Variants in RBFOX2 observed in about 807,000 individuals in gnomAD.
RBFOX2 encodes the protein RNA binding fox-1 homolog 2, also known as RNA binding protein fox-1 homolog 2.
Under a neutral mutation model 49.1 loss-of-function variants are expected in RBFOX2, and 10 were observed. The observed-to-expected ratio is 0.20, with a 90% CI of 0.13 to 0.35. The LOEUF is 0.35. RBFOX2 is among the 10% of genes least tolerant of loss of function. The pLI is 1.00. For missense variants in RBFOX2, 323 were observed against 486.9 expected (o/e 0.66, Z 3.17); for synonymous variants, 183 against 187.4 (o/e 0.98, Z 0.19).
intron 2 of RBFOX2, among the ~76,000 whole-genome samples, chr22:35,791,035 C>CA (rs1237437062): frequency 2.0e-5 from 3 of 150,890 alleles, no homozygotes; most frequent in East Asian, 3.9e-4. Context: ...CACACACACA[C>CA]AAAAAAAGCA....
chr22:35,878,043 CACA>C (rs1302270290), intron 1 of RBFOX2, among the ~76,000 whole-genome samples: 5 of 105,800 alleles, frequency 4.7e-5, no homozygotes, highest in Admixed American at 8.5e-5. Context: ...TACTACTACA[CACA>C]CACACACACA....
upstream of RBFOX2, among the ~76,000 whole-genome samples, chr22:35,844,867 A>G (rs1162502528): frequency 6.6e-6 from 1 of 152,212 alleles, no homozygotes; most frequent in East Asian, 1.9e-4. Context: ...GATGTACAAA[A>G]AGAGTGGGAG....
At chr22:35,832,954 C>G (rs1187303009) in intron 1 of RBFOX2, among the ~76,000 whole-genome samples, 14 of 152,096 alleles carry the variant, frequency 9.2e-5, no homozygotes, top group Non-Finnish European at 2.9e-5. Flanking sequence ...GAAATGTTCT[C>G]TATACAAAGA....
upstream of RBFOX2, among the ~76,000 whole-genome samples, chr22:35,942,402 CATCTCT>C (rs1264272070): frequency 6.6e-6 from 1 of 152,006 alleles, no homozygotes; most frequent in Admixed American, 6.5e-5. Flanking sequence ...TGTAACTTCA[CATCTCT>C]ATCTAGACAA....
chr22:35,768,499 C>A (rs1339532595), intron 4 of RBFOX2, 150 bp from the exon 6 acceptor site: 4 of 607,884 alleles, frequency 6.6e-6, no homozygotes, highest in South Asian at 2.5e-5. Flanking sequence ...TTGGTCCATG[C>A]ATATTTGTAA....
chr22:35,902,986 G>A (rs565468805), intron 1 of RBFOX2, among the ~76,000 whole-genome samples: 54 of 152,092 alleles, frequency 3.6e-4, no homozygotes, highest in African/African-American at 1.2e-3. Flanking sequence ...CATTTTAAAT[G>A]AGAAGCATTC....
At chr22:35,966,665 G>C (rs2056575833), upstream of RBFOX2, among the ~76,000 whole-genome samples, 1 of 151,996 alleles carries the variant, frequency 6.6e-6, no homozygotes, top group African/African-American at 2.4e-5. Flanking sequence ...TTTGCTACTG[G>C]GTTGTTCAAA....
chr22:35,862,121 C>T (rs2043157742), intron 1 of RBFOX2, among the ~76,000 whole-genome samples: 1 of 151,982 alleles, frequency 6.6e-6, no homozygotes, highest in Non-Finnish European at 1.5e-5. Flanking sequence ...TGGAGATGTG[C>T]TGGGGAGGTA....
chr22:35,790,682 C>T (rs1034755034), intron 2 of RBFOX2, among the ~76,000 whole-genome samples: 5 of 152,162 alleles, frequency 3.3e-5, no homozygotes, highest in African/African-American at 1.2e-4. Context: ...CAGAAATCTT[C>T]TGCATATTTT....
At chr22:35,751,824 T>C (rs1035752068) in intron 9 of RBFOX2, among the ~76,000 whole-genome samples, 1 of 152,218 alleles carries the variant, frequency 6.6e-6, no homozygotes, top group Non-Finnish European at 1.5e-5. Flanking sequence ...GTCTTCCACC[T>C]ATTATTTCTA....
chr22:35,823,438 G>A (rs1954964042), intron 1 of RBFOX2, among the ~76,000 whole-genome samples: 2 of 152,076 alleles, frequency 1.3e-5, no homozygotes, highest in Non-Finnish European at 2.9e-5. Flanking sequence ...TAACTCTCTT[G>A]TATATTAGTG....
rs186366290 is a variant in RBFOX2 at position 35,892,649 on chromosome 22, A to G, written c.-34+46198T>C. Among the ~76,000 whole-genome samples, 6 of 152,254 alleles carry G rather than the reference A, an allele frequency of 3.9e-5. No homozygotes were observed. The East Asian group carries it at 1.2e-3, about 29-fold the overall frequency. On this transcript the variant is annotated intron_variant, in intron 1 of 13. Coordinates refer to the RBFOX2 transcript ENST00000359369. ...TGCCTTTGACCCATTACTGGTACCA[A>G]ACCAAGCATGCAAGGGAGGTGATAC... is the stretch of plus-strand genomic sequence containing the variant.
chr22:35,786,985 G>A (rs6000005), intron 2 of RBFOX2, among the ~76,000 whole-genome samples: 7,447 of 152,194 alleles, frequency 0.049, 211 homozygotes, highest in African/African-American at 0.067. Context: ...CGGGAGTGGA[G>A]ACAGGCATGG....
At position 35,794,657 on chromosome 22, in the gene RBFOX2, C is replaced by CAAA. The variant is rs748698219; in HGVS notation, c.253-12914_253-12912dup. Among the ~76,000 whole-genome samples, 12 of 127,348 alleles carry CAAA rather than the reference C, an allele frequency of 9.4e-5. No individual in the cohort carries two copies. The South Asian group carries it at 2.8e-3, about 29-fold the overall frequency. 83.5% of individuals were successfully genotyped at this position (127,348 alleles called of 152,430 possible). On this transcript the variant is annotated intron_variant, in intron 2 of 11. Transcript: ENST00000405409. The stretch of plus-strand genomic sequence containing the variant: ...TGGGTAACAGAGTAAGACTCTGTCT[C>CAAA]AAAAAAAAAAAAAAGTTTTTTAGCT...
intron 3 of RBFOX2, among the ~76,000 whole-genome samples, chr22:35,778,373 T>A (rs1243382791): frequency 6.6e-6 from 1 of 152,140 alleles, no homozygotes; most frequent in Non-Finnish European, 1.5e-5. Context: ...CATCTCTTAG[T>A]TTTTAGAACA....
At chr22:35,837,762 A>T (rs1275918775) in intron 1 of RBFOX2, among the ~76,000 whole-genome samples, 1 of 152,238 alleles carries the variant, frequency 6.6e-6, no homozygotes, top group Non-Finnish European at 1.5e-5. Context: ...TTCAATATTT[A>T]GCACATCCTG....
At chr22:36,017,430 A>G (rs1353216412) in intron 1 of RBFOX2, among the ~76,000 whole-genome samples, 1 of 152,150 alleles carries the variant, frequency 6.6e-6, no homozygotes, top group Non-Finnish European at 1.5e-5. Flanking sequence ...CGGGAGGCTG[A>G]GGTAGGAGAA....
At chr22:35,890,372 G>A (rs773775196) in intron 1 of RBFOX2, among the ~76,000 whole-genome samples, 3 of 152,058 alleles carry the variant, frequency 2.0e-5, no homozygotes, top group Admixed American at 1.3e-4. Context: ...TATATACTAC[G>A]ATTAAGTTTA....
intron 1 of RBFOX2, among the ~76,000 whole-genome samples, chr22:35,924,570 T>A (rs573387107): frequency 5.9e-5 from 9 of 152,374 alleles, no homozygotes; most frequent in African/African-American, 1.9e-4. Flanking sequence ...TATTAATTTT[T>A]CATATCGCTC....
Sources: allele counts gnomAD v4.1 joint callset (sites outside exome capture counted in the v4.1 genomes callset), GRCh38; gene constraint gnomAD v4.1.1; transcripts MANE v1.5; gene names NCBI Gene and HGNC (gene_info 2026-07-23, HGNC 2026-07-21).